Variants in LRRTM4 observed in about 807,000 individuals in gnomAD.
LRRTM4 encodes the protein leucine rich repeat transmembrane neuronal 4.
A neutral mutation model predicts 47.6 loss-of-function variants in LRRTM4; 25 were observed. That is an observed-to-expected ratio of 0.53 (90% confidence interval 0.38 to 0.73). LRRTM4 has a LOEUF of 0.73. Among genes scored for constraint, LRRTM4 ranks in the 30% least tolerant of loss-of-function variants. The pLI, the probability that LRRTM4 is intolerant of heterozygous loss-of-function variation, is 0.00. For synonymous variants in LRRTM4, 311 were observed against 269.5 expected (o/e 1.15, Z -1.51); for missense variants, 638 against 713.4 (o/e 0.89, Z 1.20).
intron 3 of LRRTM4, among the ~76,000 whole-genome samples, chr2:77,106,908 C>T (rs1157471508): frequency 6.6e-6 from 1 of 151,774 alleles, no homozygotes; most frequent in Non-Finnish European, 1.5e-5. Context: ...GATTCTTAGA[C>T]ATGTAGAGAT....
chr2:77,188,870 G>A (rs1233832038), intron 3 of LRRTM4, among the ~76,000 whole-genome samples: 3 of 152,066 alleles, frequency 2.0e-5, no homozygotes, highest in Admixed American at 1.3e-4. Context: ...CAGTGAGTTC[G>A]ATCATTTTTG....
intron 3 of LRRTM4, among the ~76,000 whole-genome samples, chr2:76,940,351 C>CT (rs748309047): frequency 6.6e-6 from 1 of 152,044 alleles, no homozygotes; most frequent in Non-Finnish European, 1.5e-5. Flanking sequence ...ATGGAGAGAG[C>CT]TAGAGGCCAC....
At chr2:77,003,369 G>A (rs560925199) in intron 3 of LRRTM4, among the ~76,000 whole-genome samples, 19 of 151,764 alleles carry the variant, frequency 1.3e-4, no homozygotes, top group East Asian at 3.9e-4. Context: ...CACCCCCACC[G>A]AAATCTCACC....
intron 3 of LRRTM4, among the ~76,000 whole-genome samples, chr2:76,872,592 G>C (rs1410160595): frequency 2.0e-5 from 3 of 151,880 alleles, no homozygotes. Flanking sequence ...TAATACTGCT[G>C]GTGGGGTCAC....
chr2:77,164,330 A>G (rs923330353), intron 3 of LRRTM4, among the ~76,000 whole-genome samples: 9 of 152,200 alleles, frequency 5.9e-5, no homozygotes, highest in Admixed American at 2.0e-4. Flanking sequence ...AGACACCTAC[A>G]AAGGACTTAG....
intron 3 of LRRTM4, among the ~76,000 whole-genome samples, chr2:77,426,305 A>G (rs1262082889): frequency 1.3e-5 from 2 of 152,164 alleles, no homozygotes; most frequent in East Asian, 3.9e-4. Context: ...TATCTACAAT[A>G]GGAACCTAAA....
intron 3 of LRRTM4, among the ~76,000 whole-genome samples, chr2:76,784,857 C>T (rs377260948): frequency 2.0e-4 from 31 of 152,102 alleles, no homozygotes; most frequent in South Asian, 1.9e-3. Context: ...ACTGTTCAGC[C>T]CAGCATGTAG....
chr2:76,815,364 G>A (rs1412450896), intron 3 of LRRTM4, among the ~76,000 whole-genome samples: 1 of 152,002 alleles, frequency 6.6e-6, no homozygotes, highest in Non-Finnish European at 1.5e-5. Flanking sequence ...TGCCAGAAGC[G>A]AGATATTCAA....
intron 3 of LRRTM4, among the ~76,000 whole-genome samples, chr2:77,046,684 A>C (rs1363391777): frequency 6.6e-6 from 1 of 152,114 alleles, no homozygotes; most frequent in African/African-American, 2.4e-5. Context: ...GTAGAAAAAT[A>C]AGATTCAAAA....
intron 3 of LRRTM4, among the ~76,000 whole-genome samples, chr2:77,505,056 T>C (rs1227785523): frequency 1.3e-5 from 2 of 151,214 alleles, no homozygotes; most frequent in Non-Finnish European, 3.0e-5. Context: ...ATAACTCAAC[T>C]AATAAAGAAC....
intron 3 of LRRTM4, among the ~76,000 whole-genome samples, chr2:76,922,567 T>G (rs1674466500): frequency 1.3e-5 from 2 of 151,988 alleles, no homozygotes; most frequent in Non-Finnish European, 2.9e-5. Context: ...TTGTGGACCC[T>G]AAAAATTTGA....
chr2:76,845,601 T>G (rs896343533), intron 3 of LRRTM4, among the ~76,000 whole-genome samples: 1 of 152,142 alleles, frequency 6.6e-6, no homozygotes, highest in African/African-American at 2.4e-5. Flanking sequence ...AGGGGAGCAC[T>G]GAGAACACTA....
At chr2:77,053,123 C>T (rs989648067) in intron 3 of LRRTM4, among the ~76,000 whole-genome samples, 2 of 152,032 alleles carry the variant, frequency 1.3e-5, no homozygotes, top group Admixed American at 6.6e-5. Context: ...TTTAAAGAAA[C>T]CGTAACTAGT....
At chr2:77,096,624 G>A (rs1445728073) in intron 3 of LRRTM4, among the ~76,000 whole-genome samples, 3 of 151,494 alleles carry the variant, frequency 2.0e-5, no homozygotes, top group Non-Finnish European at 4.4e-5. Context: ...CTAGAATACT[G>A]TACATTTTCT....
chr2:77,252,595 T>G (rs2104017800), intron 3 of LRRTM4, among the ~76,000 whole-genome samples: 1 of 152,226 alleles, frequency 6.6e-6, no homozygotes, highest in East Asian at 1.9e-4. Context: ...TTTAACAAAT[T>G]CAAACCAAAA....
At chr2:76,778,902 C>G (rs542317400) in intron 3 of LRRTM4, among the ~76,000 whole-genome samples, 1,877 of 151,678 alleles carry the variant, frequency 0.012, 46 homozygotes, top group African/African-American at 0.042. Context: ...GCATTTAGTG[C>G]TATAAATTTC....
At chr2:77,381,753 A>G (rs2103793321) in intron 3 of LRRTM4, among the ~76,000 whole-genome samples, 1 of 152,156 alleles carries the variant, frequency 6.6e-6, no homozygotes, top group South Asian at 2.1e-4. Context: ...AATAATATCC[A>G]TTAAACCCAC....
At chr2:76,988,432 T>C (rs528694238) in intron 3 of LRRTM4, among the ~76,000 whole-genome samples, 26 of 151,910 alleles carry the variant, frequency 1.7e-4, no homozygotes, top group African/African-American at 5.3e-4. Flanking sequence ...TCAGAGAAAT[T>C]TGTTCTCCAT....
intron 3 of LRRTM4, among the ~76,000 whole-genome samples, chr2:77,000,311 A>T (rs867031507): frequency 1.7e-5 from 1 of 60,330 alleles, no homozygotes; most frequent in Non-Finnish European, 4.2e-5. Context: ...GGATTTCTAG[A>T]AAAAAAAAAA....
Sources: allele counts gnomAD v4.1 joint callset (sites outside exome capture counted in the v4.1 genomes callset), GRCh38; gene constraint gnomAD v4.1.1; transcripts MANE v1.5; gene names NCBI Gene and HGNC (gene_info 2026-07-23, HGNC 2026-07-21).